ACACA: variants seen among roughly 807,000 people sequenced by gnomAD.
ACACA encodes the protein acetyl-CoA carboxylase alpha.
ACACA carries 103 observed loss-of-function variants against 296.1 expected under a neutral mutation model. The ratio of observed to expected loss-of-function variants is 0.35; its 90% confidence interval spans 0.30 to 0.41. The LOEUF (loss-of-function observed/expected upper bound fraction) is 0.41, where lower values mean the gene tolerates loss of function less well. Among genes scored for constraint, ACACA ranks in the 10% least tolerant of loss-of-function variants. ACACA has a pLI of 1.00. For missense variants in ACACA, 1,554 were observed against 2,989.7 expected, an observed-to-expected ratio of 0.52 and a Z score of 11.20; for synonymous variants, 953 against 1,038.6, an observed-to-expected ratio of 0.92 and a Z score of 1.58.
intron 1 of ACACA, chr17:37,379,022 T>G (rs1417908614): frequency 3.1e-6 from 4 of 1,279,964 alleles, no homozygotes; most frequent in African/African-American, 3.0e-5. Context: ...GAGTGAGCCA[T>G]GATTGCGACA....
At chr17:37,391,235 C>A (rs1051318111) in intron 1 of ACACA, among the ~76,000 whole-genome samples, 1 of 151,710 alleles carries the variant, frequency 6.6e-6, no homozygotes, top group Non-Finnish European at 1.5e-5. Context: ...GAGACTCTGT[C>A]TCAAAAAAAA....
In ACACA at chr17:37,113,064, A is replaced by G. The variant is rs2074064663; in HGVS notation, c.6452+24T>C. 2 of 1,613,738 alleles carry G rather than the reference A, an allele frequency of 1.2e-6. No individual in the cohort carries two copies. The highest frequency in any genetic ancestry group is 3.3e-5 in the Admixed American group (2 of 59,990). ...GCTACAGGGTCCCTAAAGGCAGTGAATGGAAATGTGGAAGGCACGCTACCT... is the reference window on the plus strand; with the variant it reads ...GCTACAGGGTCCCTAAAGGCAGTGAGTGGAAATGTGGAAGGCACGCTACCT... On this transcript the variant is annotated intron_variant, in intron 51 of 55. Coordinates refer to ENST00000616317, the MANE Select transcript of ACACA (RefSeq NM_198834.3). The surrounding 1 kb of genome is among the most constrained non-coding windows in gnomAD (Gnocchi z 4.0).
At position 37,097,173 on chromosome 17, in the gene ACACA, G is replaced by T; in HGVS notation, c.6721-7C>A. 6.2e-7 allele frequency: 1 copy of T among 1,612,512 alleles called. No homozygotes were observed. On this transcript the variant is annotated splice_polypyrimidine_tract_variant and splice_region_variant and intron_variant, in intron 53 of 55. Transcript: ENST00000616317. This position sits in a 1 kb window ranked among gnomAD's most constrained non-coding sequence, Gnocchi z 4.8. Reference sequence around the variant, plus strand: ...TTTTCCAATCCAGGATATCCTACATGCAGAGAAGAATAAACTTAGCCCAGT... The same window carrying T: ...TTTTCCAATCCAGGATATCCTACATTCAGAGAAGAATAAACTTAGCCCAGT...
intron 40 of ACACA, among the ~76,000 whole-genome samples, chr17:37,180,296 G>A (rs981960898): frequency 6.6e-6 from 1 of 152,160 alleles, no homozygotes; most frequent in Middle Eastern, 3.2e-3. Context: ...ACCGAATGAA[G>A]GTATCTTTCA....
intron 16 of ACACA, among the ~76,000 whole-genome samples, chr17:37,251,384 T>C (rs1033302955): frequency 2.0e-5 from 3 of 152,232 alleles, no homozygotes; most frequent in African/African-American, 7.2e-5. Context: ...TTTGTTTCTT[T>C]TCTTTCTTTC....
At chr17:37,344,333 T>A (rs1309028591) in intron 1 of ACACA, among the ~76,000 whole-genome samples, 1 of 151,734 alleles carries the variant, frequency 6.6e-6, no homozygotes, top group Non-Finnish European at 1.5e-5. Flanking sequence ...TGAGACAGGC[T>A]GATTGCTTGA....
chr17:37,332,473 T>G (rs542761788), intron 2 of ACACA, among the ~76,000 whole-genome samples: 36 of 152,026 alleles, frequency 2.4e-4, no homozygotes, highest in African/African-American at 8.7e-4. Flanking sequence ...ATCAATTATT[T>G]TAATTCAGAA....
At chr17:37,306,201 C>A (rs1305724182) in intron 3 of ACACA, among the ~76,000 whole-genome samples, 1 of 152,118 alleles carries the variant, frequency 6.6e-6, no homozygotes, top group East Asian at 1.9e-4. Flanking sequence ...AGCCACTGCA[C>A]CCGGCCAGCA....
intron 1 of ACACA, among the ~76,000 whole-genome samples, chr17:37,380,434 A>G (rs76798436): frequency 1.3e-5 from 2 of 149,234 alleles, no homozygotes. Flanking sequence ...ATAATAAAAG[A>G]AAAAAAAAAG....
intron 1 of ACACA, chr17:37,389,156 C>T (rs1052393684): frequency 2.1e-6 from 3 of 1,441,630 alleles, no homozygotes; most frequent in Admixed American, 2.3e-5. Flanking sequence ...GAAGAGATGG[C>T]TTCCTTTAAG....
chr17:37,402,501 T>C (rs74863272), intron 1 of ACACA, among the ~76,000 whole-genome samples: 1,666 of 152,254 alleles, frequency 0.011, 34 homozygotes, highest in African/African-American at 0.036. Context: ...ATGGAGACTT[T>C]ACTGAGAGTG....
chr17:37,125,136 T>G (rs1261766469), intron 48 of ACACA, among the ~76,000 whole-genome samples: 1 of 152,202 alleles, frequency 6.6e-6, no homozygotes, highest in Admixed American at 6.5e-5. Flanking sequence ...GTATTAAAAT[T>G]TAATAGAAAC....
intron 1 of ACACA, chr17:37,386,025 C>G (rs1453916483): frequency 1.9e-6 from 3 of 1,593,166 alleles, no homozygotes; most frequent in Admixed American, 1.7e-5. Flanking sequence ...TACCAGGGAT[C>G]TCACAATGTA....
intron 45 of ACACA, among the ~76,000 whole-genome samples, chr17:37,132,376 T>C (rs1303498536): frequency 6.6e-6 from 1 of 152,182 alleles, no homozygotes; most frequent in African/African-American, 2.4e-5. Flanking sequence ...GGGAGCCTGG[T>C]AGAGGCAGAA....
intron 41 of ACACA, among the ~76,000 whole-genome samples, chr17:37,172,475 C>T (rs1167305555): frequency 6.6e-6 from 1 of 152,080 alleles, no homozygotes; most frequent in African/African-American, 2.4e-5. Flanking sequence ...AATTAGCCTC[C>T]ATATTTTTCT....
intron 48 of ACACA, 127 bp downstream of exon 48, chr17:37,125,571 T>G (rs2074740827): frequency 1.0e-6 from 1 of 967,572 alleles, no homozygotes; most frequent in Non-Finnish European, 1.6e-6. Context: ...GGCATGGCTA[T>G]AATCCAATAT....
At chr17:37,100,357 C>T (rs1270314852) in intron 52 of ACACA, among the ~76,000 whole-genome samples, 1 of 152,102 alleles carries the variant, frequency 6.6e-6, no homozygotes, top group African/African-American at 2.4e-5. Context: ...ATTAAATTAT[C>T]ACCAAGAGGA....
At chr17:37,141,087 C>T in intron 45 of ACACA, 1 of 442,122 alleles carries the variant, frequency 2.3e-6, no homozygotes, top group South Asian at 1.9e-5. Context: ...CATTGTAGTC[C>T]CTGATGGCAA....
intron 27 of ACACA, 41 bp from the exon 28 acceptor site, chr17:37,223,642 G>T: frequency 1.4e-6 from 2 of 1,422,734 alleles, no homozygotes; most frequent in South Asian, 1.1e-5. Context: ...ACATCAAAAG[G>T]AGAACAATTT....
Sources: gnomAD v4.1 joint callset for allele counts (sites outside exome capture counted in the v4.1 genomes callset) on GRCh38, gnomAD v4.1.1 for gene constraint, Gnocchi (gnomAD v3.1) non-coding constraint, MANE v1.5 for transcripts, NCBI Gene and HGNC (gene_info 2026-07-23, HGNC 2026-07-21) for gene names.